The following CNTN4 variants were observed in gnomAD, a reference collection of about 807,000 sequenced individuals.
CNTN4 encodes contactin-4.
A neutral mutation model predicts 122.5 loss-of-function variants in CNTN4; 77 were observed. The ratio of observed to expected loss-of-function variants is 0.63; its 90% CI spans 0.52 to 0.76. The LOEUF (loss-of-function observed/expected upper bound fraction) is 0.76. Among genes scored for constraint, CNTN4 ranks in the 30% least tolerant of loss-of-function variants. CNTN4 has a pLI of 0.00. For synonymous variants in CNTN4, 512 were observed against 447.0 expected, an observed-to-expected ratio of 1.15 and a Z score of -1.83; for missense variants, 1,256 against 1,259.1, an observed-to-expected ratio of 1.00 and a Z score of 0.04.
At chr3:2,337,263 T>A (rs2043993769) in intron 2 of CNTN4, among the ~76,000 whole-genome samples, 1 of 152,126 alleles carries the variant, frequency 6.6e-6, no homozygotes, top group African/African-American at 2.4e-5. Context: ...CTGGATGCAA[T>A]TACAAAAATC....
chr3:2,798,182 G>A (rs1559514438), intron 6 of CNTN4, among the ~76,000 whole-genome samples: 2 of 150,230 alleles, frequency 1.3e-5, no homozygotes. Context: ...CTTTCTGCTT[G>A]TGGGTTATTT....
intron 3 of CNTN4, among the ~76,000 whole-genome samples, chr3:2,518,734 A>G (rs1253252910): frequency 1.3e-5 from 2 of 152,140 alleles, no homozygotes; most frequent in African/African-American, 4.8e-5. Context: ...TTGATAAGCA[A>G]TTTTGGAAGC....
intron 4 of CNTN4, among the ~76,000 whole-genome samples, chr3:2,714,620 A>G (rs2087368270): frequency 1.3e-5 from 2 of 152,226 alleles, no homozygotes; most frequent in Non-Finnish European, 2.9e-5. Context: ...GGCAAGCAGT[A>G]CTCAATGAGA....
intron 3 of CNTN4, among the ~76,000 whole-genome samples, chr3:2,373,488 C>T (rs1359662502): frequency 1.3e-5 from 2 of 152,218 alleles, no homozygotes; most frequent in Non-Finnish European, 2.9e-5. Context: ...TTTATAAACA[C>T]TCTTTAAATG....
At chr3:2,911,008 G>A (rs761481091) in intron 12 of CNTN4, among the ~76,000 whole-genome samples, 87 of 152,194 alleles carry the variant, frequency 5.7e-4, no homozygotes, top group Non-Finnish European at 5.7e-4. Flanking sequence ...TCCCCACAGC[G>A]TAGCACAGAG....
intron 3 of CNTN4, among the ~76,000 whole-genome samples, chr3:2,561,544 A>G (rs9859658): frequency 0.09 from 13,705 of 152,084 alleles, 829 homozygotes; most frequent in African/African-American, 0.17. Context: ...GTGGTCTCCC[A>G]GAACCAGATC....
chr3:2,305,941 C>G (rs1332062957), intron 2 of CNTN4, among the ~76,000 whole-genome samples: 2 of 152,092 alleles, frequency 1.3e-5, no homozygotes, highest in Admixed American at 1.3e-4. Flanking sequence ...TAAAATTAAT[C>G]CATGTTATAG....
chr3:2,524,493 T>G (rs1290484933), intron 3 of CNTN4, among the ~76,000 whole-genome samples: 2 of 152,108 alleles, frequency 1.3e-5, no homozygotes. Flanking sequence ...GTGGAATTGA[T>G]GAGTCAGAAC....
chr3:2,177,654 GTT>G (rs1344995788), intron 2 of CNTN4, among the ~76,000 whole-genome samples: 1 of 100,176 alleles, frequency 1.0e-5, no homozygotes, highest in South Asian at 3.4e-4. Flanking sequence ...TTGTGTGTGT[GTT>G]TGTGTGTGTG....
At chr3:2,458,708 G>T (rs1044659831) in intron 3 of CNTN4, among the ~76,000 whole-genome samples, 6 of 152,004 alleles carry the variant, frequency 3.9e-5, no homozygotes, top group African/African-American at 1.4e-4. Context: ...TGGTTGTCTT[G>T]CTTTTTTAAG....
At chr3:2,194,935 T>A (rs1457376626) in intron 2 of CNTN4, among the ~76,000 whole-genome samples, 10 of 152,202 alleles carry the variant, frequency 6.6e-5, no homozygotes, top group Non-Finnish European at 1.3e-4. Flanking sequence ...CAATTTGTAG[T>A]ACTTGGTTGC....
intron 14 of CNTN4, among the ~76,000 whole-genome samples, chr3:3,020,060 T>C (rs1650848934): frequency 6.6e-6 from 1 of 152,128 alleles, no homozygotes; most frequent in African/African-American, 2.4e-5. Flanking sequence ...AGTGCTTGCA[T>C]GGTGAGTGCT....
intron 3 of CNTN4, among the ~76,000 whole-genome samples, chr3:2,434,047 T>A (rs992623706): frequency 6.6e-6 from 1 of 152,060 alleles, no homozygotes; most frequent in African/African-American, 2.4e-5. Flanking sequence ...GGGTGCAAAG[T>A]TTAATTTAGA....
intron 7 of CNTN4, among the ~76,000 whole-genome samples, chr3:2,835,707 A>G (rs934314915): frequency 6.6e-6 from 1 of 152,096 alleles, no homozygotes; most frequent in Non-Finnish European, 1.5e-5. Flanking sequence ...TATATTTTTC[A>G]AAAGTGAAAA....
At chr3:2,519,376 T>G (rs1338002494) in intron 3 of CNTN4, among the ~76,000 whole-genome samples, 1 of 152,192 alleles carries the variant, frequency 6.6e-6, no homozygotes, top group Non-Finnish European at 1.5e-5. Flanking sequence ...GATCTACAGA[T>G]TGTCTTGTCT....
At chr3:2,967,408 T>A (rs1472914008) in intron 13 of CNTN4, among the ~76,000 whole-genome samples, 1 of 152,150 alleles carries the variant, frequency 6.6e-6, no homozygotes, top group Non-Finnish European at 1.5e-5. Flanking sequence ...GCCTCACGAC[T>A]CCTAAACCAT....
chr3:2,333,764 T>G (rs1203802468), intron 2 of CNTN4, among the ~76,000 whole-genome samples: 1 of 152,220 alleles, frequency 6.6e-6, no homozygotes, highest in Non-Finnish European at 1.5e-5. Flanking sequence ...ATCTGTTGCT[T>G]AGTATTAGTT....
intron 4 of CNTN4, among the ~76,000 whole-genome samples, chr3:2,696,958 A>T (rs1307502874): frequency 6.6e-6 from 1 of 152,210 alleles, no homozygotes. Context: ...GTATGTGAAT[A>T]CTTAGGAACG....
intron 2 of CNTN4, among the ~76,000 whole-genome samples, chr3:2,248,602 A>G (rs1176490300): frequency 2.0e-5 from 3 of 152,050 alleles, no homozygotes; most frequent in African/African-American, 7.2e-5. Flanking sequence ...AACACGATCA[A>G]TCAAAGCTCT....
Sources: gnomAD v4.1 joint callset for allele counts (sites outside exome capture counted in the v4.1 genomes callset) on GRCh38, gnomAD v4.1.1 for gene constraint, MANE v1.5 for transcripts, NCBI Gene and HGNC (gene_info 2026-07-23, HGNC 2026-07-21) for gene names.